PTPRD: variants seen among roughly 807,000 people sequenced by gnomAD.
PTPRD encodes the protein receptor-type tyrosine-protein phosphatase delta.
PTPRD carries 34 observed loss-of-function variants against 214.5 expected under a neutral mutation model. The observed-to-expected ratio is 0.16, with a 90% CI of 0.12 to 0.21. The LOEUF (loss-of-function observed/expected upper bound fraction) is 0.21. PTPRD is among the 10% of genes least tolerant of loss of function. The pLI is 1.00. For missense variants in PTPRD, 2,545 were observed against 2,398.7 expected (o/e 1.06, Z -1.27); for synonymous variants, 1,128 against 845.7 (o/e 1.33, Z -5.79).
At chr9:9,487,452 G>T (rs1038201365) in intron 8 of PTPRD, among the ~76,000 whole-genome samples, 5 of 152,008 alleles carry the variant, frequency 3.3e-5, no homozygotes, top group African/African-American at 9.7e-5. Context: ...TCTTAATCCA[G>T]TCTATCATTG....
intron 2 of PTPRD, among the ~76,000 whole-genome samples, chr9:10,416,934 C>T (rs1236292797): frequency 6.6e-6 from 1 of 151,958 alleles, no homozygotes; most frequent in East Asian, 2.0e-4. Context: ...AACAGTTGCA[C>T]AGCAAATAGA....
At chr9:8,416,743 G>A (rs547045638) in intron 35 of PTPRD, among the ~76,000 whole-genome samples, 7 of 152,102 alleles carry the variant, frequency 4.6e-5, no homozygotes, top group Admixed American at 4.6e-4. Flanking sequence ...AATTACTTCT[G>A]ATTTTGAGGA....
At chr9:9,793,567 T>C (rs1278484952) in intron 5 of PTPRD, among the ~76,000 whole-genome samples, 1 of 152,140 alleles carries the variant, frequency 6.6e-6, no homozygotes, top group African/African-American at 2.4e-5. Flanking sequence ...AGAAAGATTA[T>C]CTCTGTTAGT....
intron 35 of PTPRD, among the ~76,000 whole-genome samples, chr9:8,414,169 A>C (rs979970474): frequency 6.6e-6 from 1 of 152,172 alleles, no homozygotes; most frequent in Admixed American, 6.6e-5. Flanking sequence ...TGATGAAACA[A>C]ATATATATTG....
intron 2 of PTPRD, among the ~76,000 whole-genome samples, chr9:10,482,753 C>A (rs1157825404): frequency 6.6e-6 from 1 of 152,068 alleles, no homozygotes; most frequent in Non-Finnish European, 1.5e-5. Context: ...ATATACTTAA[C>A]CAACTAGGTG....
At chr9:10,441,061 T>C (rs1443109452) in intron 2 of PTPRD, among the ~76,000 whole-genome samples, 1 of 151,746 alleles carries the variant, frequency 6.6e-6, no homozygotes, top group African/African-American at 2.4e-5. Flanking sequence ...AGCTATAACC[T>C]TATTTAGGAC....
intron 12 of PTPRD, among the ~76,000 whole-genome samples, chr9:8,657,910 T>C (rs2096946302): frequency 6.6e-6 from 1 of 152,254 alleles, no homozygotes; most frequent in Admixed American, 6.5e-5. Context: ...TAATAATGTT[T>C]TACATCCTTT....
intron 10 of PTPRD, among the ~76,000 whole-genome samples, chr9:9,104,239 T>C (rs2099795357): frequency 6.6e-6 from 1 of 152,178 alleles, no homozygotes; most frequent in Non-Finnish European, 1.5e-5. Flanking sequence ...TGTGGCTGTG[T>C]TCCAATAAAA....
chr9:9,097,275 T>C (rs1168991022), intron 10 of PTPRD, among the ~76,000 whole-genome samples: 4 of 152,092 alleles, frequency 2.6e-5, no homozygotes, highest in African/African-American at 9.7e-5. Flanking sequence ...ATCAGCACTA[T>C]AATGAGGAGA....
At chr9:9,905,819 C>CA (rs1306458276) in intron 5 of PTPRD, among the ~76,000 whole-genome samples, 2 of 151,886 alleles carry the variant, frequency 1.3e-5, no homozygotes, top group Non-Finnish European at 2.9e-5. Context: ...CAAACAAGGA[C>CA]AAAAGAGAGA....
chr9:10,464,426 G>C (rs1014634285), intron 2 of PTPRD, among the ~76,000 whole-genome samples: 4 of 151,288 alleles, frequency 2.6e-5, no homozygotes, highest in African/African-American at 9.7e-5. Context: ...GAGAGAGAGA[G>C]AGAGACAGAG....
At chr9:8,577,491 G>A (rs1480949805) in intron 14 of PTPRD, among the ~76,000 whole-genome samples, 1 of 152,082 alleles carries the variant, frequency 6.6e-6, no homozygotes, top group African/African-American at 2.4e-5. Flanking sequence ...CCGACCTCAG[G>A]TGATCCGCCT....
intron 4 of PTPRD, among the ~76,000 whole-genome samples, chr9:9,959,617 T>C (rs2094206532): frequency 2.0e-5 from 3 of 152,188 alleles, no homozygotes; most frequent in Admixed American, 6.6e-5. Context: ...GGTGCTGACC[T>C]AAATAACTTT....
At chr9:9,337,865 C>G (rs557600470) in intron 9 of PTPRD, among the ~76,000 whole-genome samples, 57 of 152,200 alleles carry the variant, frequency 3.7e-4, no homozygotes, top group Non-Finnish European at 5.1e-4. Context: ...TGCTTCTACC[C>G]CAGCAGGTAC....
intron 12 of PTPRD, among the ~76,000 whole-genome samples, chr9:8,710,969 T>C (rs768903606): frequency 6.6e-6 from 1 of 152,116 alleles, no homozygotes; most frequent in South Asian, 2.1e-4. Context: ...TCTACTAAGT[T>C]TGGGAAATTA....
chr9:9,076,956 G>A (rs1055426141), intron 10 of PTPRD, among the ~76,000 whole-genome samples: 1 of 151,802 alleles, frequency 6.6e-6, no homozygotes, highest in African/African-American at 2.4e-5. Flanking sequence ...CACATCCTTG[G>A]TAGAATTTGC....
chr9:8,868,786 C>G (rs891718651), intron 11 of PTPRD, among the ~76,000 whole-genome samples: 1 of 152,110 alleles, frequency 6.6e-6, no homozygotes, highest in African/African-American at 2.4e-5. Flanking sequence ...TTCAGCATAT[C>G]TTATTGCTTA....
At chr9:8,521,192 G>T (rs1038443898) in intron 20 of PTPRD, 85 bp downstream of exon 20, 3 of 1,434,016 alleles carry the variant, frequency 2.1e-6, no homozygotes, top group Non-Finnish European at 2.8e-6. Flanking sequence ...AATTATTTTA[G>T]ATTTTCAAGG....
chr9:10,343,951 G>A (rs1486547368), intron 2 of PTPRD, among the ~76,000 whole-genome samples: 1 of 114,630 alleles, frequency 8.7e-6, no homozygotes, highest in African/African-American at 3.4e-5. Flanking sequence ...CTCCCATTCT[G>A]TAGGTTGCCT....
Sources: allele counts gnomAD v4.1 joint callset (sites outside exome capture counted in the v4.1 genomes callset), GRCh38; gene constraint gnomAD v4.1.1; transcripts MANE v1.5; gene names NCBI Gene and HGNC (gene_info 2026-07-23, HGNC 2026-07-21).